Variants in LRRC8C observed in about 807,000 individuals in gnomAD.
LRRC8C encodes the protein leucine rich repeat containing 8 VRAC subunit C.
A neutral mutation model predicts 55.3 loss-of-function variants in LRRC8C; 20 were observed. The observed-to-expected ratio is 0.36, with a 90% CI of 0.25 to 0.53. The LOEUF is 0.53. Ranked by LOEUF, LRRC8C falls within the 20% of genes least tolerant of loss-of-function variation. The pLI is 0.92. For synonymous variants in LRRC8C, 376 were observed against 360.7 expected (o/e 1.04, Z -0.48); for missense variants, 659 against 951.4 (o/e 0.69, Z 4.04).
At chr1:89,648,967 A>T (rs773466633) in intron 1 of LRRC8C, among the ~76,000 whole-genome samples, 2 of 152,224 alleles carry the variant, frequency 1.3e-5, no homozygotes. Context: ...CATTTTGTTT[A>T]TCCATCCATC....
At chr1:89,712,267 C>T (rs1015215685) in intron 2 of LRRC8C, among the ~76,000 whole-genome samples, 1 of 152,228 alleles carries the variant, frequency 6.6e-6, no homozygotes, top group African/African-American at 2.4e-5. Context: ...TGCCTACCAC[C>T]ATGCCCAGCT....
the LRRC8C span, among the ~76,000 whole-genome samples, chr1:89,624,582 CTA>C: frequency 6.6e-6 from 1 of 152,106 alleles, no homozygotes; most frequent in African/African-American, 2.4e-5. Context: ...GTCAGGCACT[CTA>C]TTATGACTGA....
chr1:89,649,947 C>T (rs1272504591), intron 1 of LRRC8C, among the ~76,000 whole-genome samples: 2 of 152,132 alleles, frequency 1.3e-5, no homozygotes, highest in Non-Finnish European at 2.9e-5. Context: ...ACTTTTGTGA[C>T]CCCTTTAACT....
At chr1:89,677,014 T>C (rs1189092198) in intron 1 of LRRC8C, among the ~76,000 whole-genome samples, 1 of 152,144 alleles carries the variant, frequency 6.6e-6, no homozygotes. Flanking sequence ...GCTACAATAA[T>C]ATAGGTAACT....
At chr1:89,706,684 T>C (rs1658490507) in intron 2 of LRRC8C, among the ~76,000 whole-genome samples, 1 of 152,162 alleles carries the variant, frequency 6.6e-6, no homozygotes, top group African/African-American at 2.4e-5. Context: ...ATTTGATTTC[T>C]CTTCCTAGAT....
chr1:89,616,109 C>T, the LRRC8C span, among the ~76,000 whole-genome samples: 36 of 152,296 alleles, frequency 2.4e-4, no homozygotes, highest in African/African-American at 8.4e-4. Context: ...CCCTGTCCTA[C>T]TCCCTTGTGC....
At chr1:89,627,292 T>C in the LRRC8C span, among the ~76,000 whole-genome samples, 1 of 151,488 alleles carries the variant, frequency 6.6e-6, no homozygotes, top group Non-Finnish European at 1.5e-5. Flanking sequence ...TATTTCTTAT[T>C]ATATCATAAT....
At chr1:89,668,299 A>G (rs931875216) in intron 1 of LRRC8C, 1 of 152,516 alleles carries the variant, frequency 6.6e-6, no homozygotes, top group African/African-American at 2.4e-5. Flanking sequence ...TTTAGCATCA[A>G]ATGAAAAACA....
intron 1 of LRRC8C, among the ~76,000 whole-genome samples, chr1:89,649,753 T>C (rs1404325187): frequency 6.6e-6 from 1 of 152,194 alleles, no homozygotes; most frequent in Non-Finnish European, 1.5e-5. Context: ...AGGCTGTAGA[T>C]TCTATCTGTT....
chr1:89,622,093 A>G, the LRRC8C span, among the ~76,000 whole-genome samples: 4 of 152,170 alleles, frequency 2.6e-5, no homozygotes, highest in Non-Finnish European at 5.9e-5. Context: ...GGGGGAAAAA[A>G]TGACATTTTC....
intron 1 of LRRC8C, among the ~76,000 whole-genome samples, chr1:89,659,061 T>TTGTGTGTG (rs71084956): frequency 1.9e-5 from 1 of 53,974 alleles, no homozygotes; most frequent in African/African-American, 6.3e-5. Context: ...TTTTTTTTTT[T>TTGTGTGTG]TGTGTGTGTG....
At chr1:89,686,986 C>G (rs928476537) in intron 2 of LRRC8C, among the ~76,000 whole-genome samples, 14 of 152,144 alleles carry the variant, frequency 9.2e-5, no homozygotes, top group Non-Finnish European at 1.5e-4. Flanking sequence ...TTTACCCTTA[C>G]CCCTAATAAG....
the LRRC8C span, among the ~76,000 whole-genome samples, chr1:89,616,533 A>G: frequency 6.6e-6 from 1 of 152,194 alleles, no homozygotes; most frequent in African/African-American, 2.4e-5. Flanking sequence ...AGATTTCATT[A>G]TTGTCTTGAC....
chr1:89,661,949 T>G (rs1657133879), intron 1 of LRRC8C, among the ~76,000 whole-genome samples: 1 of 151,750 alleles, frequency 6.6e-6, no homozygotes, highest in African/African-American at 2.4e-5. Flanking sequence ...CTAAAGAAGG[T>G]GAAGGATTGA....
intron 1 of LRRC8C, among the ~76,000 whole-genome samples, chr1:89,665,630 T>C (rs115763921): frequency 0.014 from 2,144 of 152,348 alleles, 50 homozygotes; most frequent in African/African-American, 0.049. Context: ...CAAAAAGTTA[T>C]AAAGAATGTT....
upstream of LRRC8C, among the ~76,000 whole-genome samples, chr1:89,631,088 G>C (rs1401479693): frequency 6.6e-6 from 1 of 152,148 alleles, no homozygotes; most frequent in Non-Finnish European, 1.5e-5. Context: ...GCTATTCCTG[G>C]TTCTTTTGCT....
the LRRC8C span, among the ~76,000 whole-genome samples, chr1:89,627,654 G>A: frequency 6.6e-6 from 1 of 152,176 alleles, no homozygotes; most frequent in South Asian, 2.1e-4. Context: ...TAAGTAGTGA[G>A]TAAGCATGAG....
At chr1:89,699,703 T>C (rs1242956877) in intron 2 of LRRC8C, among the ~76,000 whole-genome samples, 1 of 152,182 alleles carries the variant, frequency 6.6e-6, no homozygotes, top group Admixed American at 6.5e-5. Flanking sequence ...GTGGTTCTCA[T>C]AGATGTCTAT....
chr1:89,711,505 C>G (rs1221870978), intron 2 of LRRC8C, among the ~76,000 whole-genome samples: 1 of 152,246 alleles, frequency 6.6e-6, no homozygotes, highest in East Asian at 1.9e-4. Context: ...ATTAATTCCA[C>G]ATGTCATTGC....
Sources: gnomAD v4.1 joint callset for allele counts (sites outside exome capture counted in the v4.1 genomes callset) on GRCh38, gnomAD v4.1.1 for gene constraint, MANE v1.5 for transcripts, NCBI Gene and HGNC (gene_info 2026-07-23, HGNC 2026-07-21) for gene names.